The following FCN2 variants were observed in gnomAD, a reference collection of about 807,000 sequenced individuals.
FCN2 encodes ficolin 2.
Under a neutral mutation model 32.5 loss-of-function variants are expected in FCN2, and 31 were observed. The observed-to-expected ratio is 0.96, with a 90% CI of 0.72 to 1.29. The LOEUF (loss-of-function observed/expected upper bound fraction) is 1.29, where lower values mean the gene tolerates loss of function less well. Among genes scored for constraint, FCN2 ranks in the 50% most tolerant of loss-of-function variants. FCN2 has a pLI of 0.00. For synonymous variants in FCN2, 181 were observed against 164.5 expected, an observed-to-expected ratio of 1.10 and a Z score of -0.77; for missense variants, 412 against 406.5, an observed-to-expected ratio of 1.01 and a Z score of -0.12.
chr9:134,870,085 G>T, the FCN2 span, among the ~76,000 whole-genome samples: 4 of 152,206 alleles, frequency 2.6e-5, no homozygotes, highest in African/African-American at 7.2e-5. This position sits in a 1 kb window ranked among gnomAD's most constrained non-coding sequence, Gnocchi z 4.3. Context: ...GGCTAGGCAG[G>T]GTTCCTCTGC....
At position 134,887,166 on chromosome 9, in the gene FCN2, A is replaced by G. The variant is rs113125899; in HGVS notation, c.695-2A>G. On this transcript the variant is annotated splice_acceptor_variant, in intron 7 of 7. Coordinates refer to ENST00000291744, the MANE Select transcript of FCN2 (RefSeq NM_004108.3). LOFTEE classifies it high-confidence loss of function. ...ACGATGCTCACATTTCCTCCTGCAC[A>G]GGAGATTCCCTGACGTTCCACAACA... 4.3e-6 allele frequency: 7 copies of G among 1,613,998 alleles called. No individual in the cohort carries two copies. The highest frequency in any genetic ancestry group is 1.7e-5 in the Admixed American group (1 of 60,006).
chr9:134,868,405 TC>T, the FCN2 span: 1 of 197,960 alleles, frequency 5.1e-6, no homozygotes, highest in Non-Finnish European at 1.1e-5. This position sits in a 1 kb window ranked among gnomAD's most constrained non-coding sequence, Gnocchi z 4.3. Context: ...ACAAACGGCA[TC>T]AACTGGAAGT....
At chr9:134,885,994 C>T (rs1449026795) in intron 6 of FCN2, 97 bp downstream of exon 6, 1 of 1,321,134 alleles carries the variant, frequency 7.6e-7, no homozygotes, top group East Asian at 2.4e-5. Flanking sequence ...GCCTCTTGGC[C>T]CACAGGGGAT....
intron 1 of FCN2, among the ~76,000 whole-genome samples, chr9:134,882,054 C>T (rs1830671248): frequency 6.6e-6 from 1 of 152,162 alleles, no homozygotes; most frequent in Non-Finnish European, 1.5e-5. Context: ...CAATGGTAGC[C>T]TCTCTCCCTG....
At chr9:134,865,838 C>A in the FCN2 span, among the ~76,000 whole-genome samples, 3 of 152,092 alleles carry the variant, frequency 2.0e-5, no homozygotes, top group Admixed American at 6.5e-5. Flanking sequence ...TTCTTATACA[C>A]CAACAACAGA....
upstream of FCN2, among the ~76,000 whole-genome samples, chr9:134,880,147 G>A (rs1830642899): frequency 1.3e-5 from 2 of 152,072 alleles, no homozygotes; most frequent in Admixed American, 1.3e-4. Flanking sequence ...CACACTCAAG[G>A]TCTCCCCTTC....
the FCN2 span, among the ~76,000 whole-genome samples, chr9:134,869,852 G>T: frequency 9.2e-5 from 14 of 152,320 alleles, no homozygotes; most frequent in Admixed American, 2.0e-4. Flanking sequence ...CACAGAACAG[G>T]CCCCTCAGGT....
chr9:134,870,958 G>A, the FCN2 span, among the ~76,000 whole-genome samples: 12 of 152,266 alleles, frequency 7.9e-5, no homozygotes, highest in African/African-American at 2.6e-4. This position sits in a 1 kb window ranked among gnomAD's most constrained non-coding sequence, Gnocchi z 4.3. Context: ...TCCACCCAGA[G>A]GCGCTGCCCT....
the FCN2 span, among the ~76,000 whole-genome samples, chr9:134,871,463 G>A: frequency 9.2e-5 from 14 of 152,210 alleles, no homozygotes; most frequent in Non-Finnish European, 1.9e-4. Context: ...GGAGAGGAGC[G>A]GGGCTGGGCT....
intron 7 of FCN2, 149 bp from the exon 8 acceptor site, chr9:134,887,019 G>A: frequency 2.1e-6 from 2 of 930,484 alleles, no homozygotes; most frequent in South Asian, 1.3e-5. Flanking sequence ...ATTCACTGGA[G>A]TCATGGATTG....
intron 4 of FCN2, 131 bp from the exon 5 acceptor site, chr9:134,885,108 C>A: frequency 7.5e-7 from 1 of 1,329,814 alleles, no homozygotes; most frequent in Non-Finnish European, 1.0e-6. Flanking sequence ...TGTCCCTGTC[C>A]AGGCCTCAGA....
At chr9:134,867,584 T>C in the FCN2 span, among the ~76,000 whole-genome samples, 1 of 150,004 alleles carries the variant, frequency 6.7e-6, no homozygotes, top group Non-Finnish European at 1.5e-5. Context: ...GGCACATGTA[T>C]ACATATGTAA....
chr9:134,875,436 C>A, the FCN2 span, among the ~76,000 whole-genome samples: 4 of 152,166 alleles, frequency 2.6e-5, no homozygotes, highest in African/African-American at 9.7e-5. Context: ...TCCCCACCCC[C>A]CTTGAGTGTA....
At chr9:134,871,641 A>G in the FCN2 span, among the ~76,000 whole-genome samples, 1 of 152,072 alleles carries the variant, frequency 6.6e-6, no homozygotes, top group African/African-American at 2.4e-5. Flanking sequence ...TCCTTCTAGG[A>G]CCCGGTGCTG....
At position 134,887,259 on chromosome 9, in the gene FCN2, G is replaced by A; in HGVS notation, c.786G>A (p.Gln262=). ...CCGGAAATTGTGCTGTGATGTTTCA[G>A]GGAGCTTGGTGGTACAAAAACTGCC... The part of the protein sequence containing the change: ...LNTGNCAVMF[Q]GAWWYKNCHV... Residue 262 remains glutamine, a synonymous_variant, in exon 8 of 8, where the codon CAG becomes CAA. Transcript: ENST00000291744. 6.2e-7 allele frequency: 1 copy of A among 1,614,236 alleles called. No individual in the cohort carries two copies. Among genetic ancestry groups the A allele is most frequent in the Non-Finnish European group, 8.5e-7 (1 of 1,180,036 alleles).
chr9:134,880,418 A>C (rs931320605), upstream of FCN2, among the ~76,000 whole-genome samples: 1 of 152,236 alleles, frequency 6.6e-6, no homozygotes, highest in East Asian at 1.9e-4. Context: ...AGCCCTGGCC[A>C]TGAGGACTCT....
chr9:134,875,668 C>A, the FCN2 span, among the ~76,000 whole-genome samples: 9 of 152,184 alleles, frequency 5.9e-5, no homozygotes, highest in Non-Finnish European at 1.0e-4. Flanking sequence ...CATCTTCCAA[C>A]CAAAAACCAG....
At chr9:134,869,954 A>C in the FCN2 span, among the ~76,000 whole-genome samples, 1 of 151,848 alleles carries the variant, frequency 6.6e-6, no homozygotes, top group Non-Finnish European at 1.5e-5. Flanking sequence ...GGGGCCCACA[A>C]ATTCCTGTTG....
chr9:134,877,008 G>T (rs1255530217), upstream of FCN2, among the ~76,000 whole-genome samples: 1 of 152,270 alleles, frequency 6.6e-6, no homozygotes, highest in Admixed American at 6.5e-5. Context: ...AGAATATGTA[G>T]TGAGGTCATT....
Sources: gnomAD v4.1 joint callset for allele counts (sites outside exome capture counted in the v4.1 genomes callset) on GRCh38, gnomAD v4.1.1 for gene constraint, Gnocchi (gnomAD v3.1) non-coding constraint, MANE v1.5 for transcripts, NCBI Gene and HGNC (gene_info 2026-07-23, HGNC 2026-07-21) for gene names.